The following ANKS1B variants were observed in gnomAD, a reference collection of about 807,000 sequenced individuals.
The protein encoded by ANKS1B is ankyrin repeat and sterile alpha motif domain-containing protein 1B.
Under a neutral mutation model 148.3 loss-of-function variants are expected in ANKS1B, and 36 were observed. That is an observed-to-expected ratio of 0.24 (90% CI 0.19 to 0.32). The LOEUF (loss-of-function observed/expected upper bound fraction) is 0.32. ANKS1B is among the 10% of genes least tolerant of loss of function. The pLI is 1.00. For synonymous variants in ANKS1B, 542 were observed against 560.8 expected, an observed-to-expected ratio of 0.97 and a Z score of 0.47; for missense variants, 1,157 against 1,542.6, an observed-to-expected ratio of 0.75 and a Z score of 4.19.
At chr12:98,928,082 A>G (rs958589941) in intron 17 of ANKS1B, among the ~76,000 whole-genome samples, 2 of 151,722 alleles carry the variant, frequency 1.3e-5, no homozygotes, top group African/African-American at 4.8e-5. Context: ...ATTTCAAATT[A>G]TTAAAATTAG....
chr12:99,766,346 T>C (rs147279920), intron 8 of ANKS1B, among the ~76,000 whole-genome samples: 1 of 152,206 alleles, frequency 6.6e-6, no homozygotes, highest in East Asian at 1.9e-4. Flanking sequence ...TCAAGAATGG[T>C]AAAAAGCAAG....
chr12:98,940,806 G>A (rs913028987), intron 17 of ANKS1B, among the ~76,000 whole-genome samples: 3 of 152,102 alleles, frequency 2.0e-5, no homozygotes, highest in Non-Finnish European at 4.4e-5. Context: ...TAGCAAGAGG[G>A]AAACAAATCA....
At chr12:99,011,748 C>CA (rs1420677031) in intron 17 of ANKS1B, among the ~76,000 whole-genome samples, 5 of 152,194 alleles carry the variant, frequency 3.3e-5, no homozygotes, top group African/African-American at 1.2e-4. Flanking sequence ...ACAATAGTCA[C>CA]AAACTGTCAG....
chr12:99,333,414 C>CCA (rs2087980035), intron 12 of ANKS1B, among the ~76,000 whole-genome samples: 2 of 152,168 alleles, frequency 1.3e-5, no homozygotes, highest in Admixed American at 1.3e-4. Context: ...TTTTAGGATA[C>CCA]CACAATTTCA....
chr12:99,941,382 A>AG (rs1238518365), intron 1 of ANKS1B, among the ~76,000 whole-genome samples: 1 of 152,176 alleles, frequency 6.6e-6, no homozygotes, highest in Non-Finnish European at 1.5e-5. Flanking sequence ...GATAAAATGA[A>AG]GAAGTCAAGA....
chr12:99,732,216 G>A (rs2059230665), intron 8 of ANKS1B, among the ~76,000 whole-genome samples: 1 of 152,108 alleles, frequency 6.6e-6, no homozygotes, highest in Admixed American at 6.6e-5. Context: ...ACTTAATACG[G>A]TACAGCCACT....
intron 3 of ANKS1B, among the ~76,000 whole-genome samples, chr12:99,811,756 T>C (rs1052351930): frequency 6.6e-6 from 1 of 151,920 alleles, no homozygotes; most frequent in Admixed American, 6.6e-5. Context: ...AAGTGCTAAG[T>C]AAATGGTAAA....
intron 1 of ANKS1B, among the ~76,000 whole-genome samples, chr12:99,840,669 T>C (rs1446076434): frequency 1.3e-5 from 2 of 152,094 alleles, no homozygotes; most frequent in Non-Finnish European, 2.9e-5. Context: ...GACTGCGAGA[T>C]TTCTGTCATG....
At chr12:99,736,343 A>G (rs2059614059) in intron 8 of ANKS1B, among the ~76,000 whole-genome samples, 1 of 142,520 alleles carries the variant, frequency 7.0e-6, no homozygotes, top group Non-Finnish European at 1.5e-5. Flanking sequence ...TTATATTTAG[A>G]AAAATCAAAA....
chr12:99,541,051 C>T (rs947230284), intron 9 of ANKS1B, among the ~76,000 whole-genome samples: 4 of 151,974 alleles, frequency 2.6e-5, no homozygotes, highest in Non-Finnish European at 5.9e-5. Context: ...AAACAAAATC[C>T]TACCAAAACT....
intron 9 of ANKS1B, among the ~76,000 whole-genome samples, chr12:99,511,894 C>A (rs2096769919): frequency 6.6e-6 from 1 of 152,034 alleles, no homozygotes; most frequent in South Asian, 2.1e-4. Flanking sequence ...CTTCCCTACA[C>A]CTTATACAAA....
At chr12:99,477,632 T>G (rs2096346359) in intron 10 of ANKS1B, among the ~76,000 whole-genome samples, 1 of 152,204 alleles carries the variant, frequency 6.6e-6, no homozygotes, top group African/African-American at 2.4e-5. Context: ...ACCTGTAAAG[T>G]GCTTAAAGCA....
At chr12:99,352,511 A>G (rs1169897931) in intron 12 of ANKS1B, among the ~76,000 whole-genome samples, 2 of 152,084 alleles carry the variant, frequency 1.3e-5, no homozygotes, top group African/African-American at 4.8e-5. Flanking sequence ...ACCTCACTGC[A>G]GGCAACAAAA....
intron 15 of ANKS1B, among the ~76,000 whole-genome samples, chr12:99,120,901 T>C (rs533076834): frequency 6.4e-4 from 98 of 152,250 alleles, no homozygotes; most frequent in Admixed American, 3.3e-3. Context: ...AACTCATTGC[T>C]CCTGGACATT....
chr12:98,763,663 C>T (rs2098442096), intron 25 of ANKS1B, among the ~76,000 whole-genome samples: 1 of 152,024 alleles, frequency 6.6e-6, no homozygotes, highest in African/African-American at 2.4e-5. Context: ...GTATATACAC[C>T]CAAATACTTT....
intron 1 of ANKS1B, among the ~76,000 whole-genome samples, chr12:99,854,848 G>T (rs1000029462): frequency 6.6e-6 from 1 of 152,078 alleles, no homozygotes; most frequent in African/African-American, 2.4e-5. Flanking sequence ...AACAAACACT[G>T]AGAGAATTCA....
At chr12:98,905,613 T>C (rs1015384180) in intron 17 of ANKS1B, among the ~76,000 whole-genome samples, 1 of 151,866 alleles carries the variant, frequency 6.6e-6, no homozygotes, top group Non-Finnish European at 1.5e-5. Flanking sequence ...CTACAAAAAA[T>C]TTTTAAAAAT....
intron 17 of ANKS1B, among the ~76,000 whole-genome samples, chr12:99,017,695 C>G (rs1451221635): frequency 6.6e-6 from 1 of 152,164 alleles, no homozygotes; most frequent in Non-Finnish European, 1.5e-5. Context: ...TCCAAGCCTT[C>G]AGGGAGACTG....
intron 15 of ANKS1B, among the ~76,000 whole-genome samples, chr12:99,151,947 T>C (rs954280530): frequency 1.3e-5 from 2 of 152,176 alleles, no homozygotes; most frequent in African/African-American, 4.8e-5. Flanking sequence ...TGGTGCTTGT[T>C]GCTTAGGCAA....
Sources: gnomAD v4.1 joint callset for allele counts (sites outside exome capture counted in the v4.1 genomes callset) on GRCh38, gnomAD v4.1.1 for gene constraint, MANE v1.5 for transcripts, NCBI Gene and HGNC (gene_info 2026-07-23, HGNC 2026-07-21) for gene names.